The following RORA variants were observed in gnomAD, a reference collection of about 807,000 sequenced individuals.
RORA encodes nuclear receptor ROR-alpha.
In RORA, 7 loss-of-function variants were observed where a neutral mutation model predicts 69.5. The observed-to-expected ratio is 0.10, with a 90% CI of 0.06 to 0.19. RORA has a LOEUF of 0.19. RORA is among the 10% of genes least tolerant of loss of function. The pLI, the probability that RORA is intolerant of heterozygous loss-of-function variation, is 1.00. For synonymous variants in RORA, 261 were observed against 240.8 expected (o/e 1.08, Z -0.78); for missense variants, 457 against 663.0 (o/e 0.69, Z 3.41).
At chr15:60,700,939 G>A (rs2070972568) in intron 1 of RORA, among the ~76,000 whole-genome samples, 2 of 152,200 alleles carry the variant, frequency 1.3e-5, no homozygotes, top group Admixed American at 6.5e-5. Context: ...CATGGGTGAA[G>A]GGATGGGTGG....
At chr15:60,878,590 G>A (rs1363250402) in intron 1 of RORA, among the ~76,000 whole-genome samples, 2 of 152,132 alleles carry the variant, frequency 1.3e-5, no homozygotes, top group Non-Finnish European at 2.9e-5. Context: ...GACCATCCTC[G>A]GAGGTCACTC....
chr15:61,113,758 A>T (rs1423238088), intron 1 of RORA, among the ~76,000 whole-genome samples: 1 of 152,178 alleles, frequency 6.6e-6, no homozygotes, highest in Non-Finnish European at 1.5e-5. Flanking sequence ...GCTCAGAAGA[A>T]GGCACATTTG....
At position 60,490,507 on chromosome 15, in the gene RORA, A is replaced by G. The variant is rs1457239686; in HGVS notation, c.*6948T>C. 6.6e-6 allele frequency: 1 copy of G among 152,166 alleles called. No homozygotes were observed. Among genetic ancestry groups the G allele is most frequent in the Non-Finnish European group, 1.5e-5 (1 of 67,996 alleles). The allele number at this position is 152,166 out of a possible 1,614,324, so 9.4% of individuals were successfully genotyped here. On this transcript the variant is annotated 3_prime_UTR_variant, in exon 11 of 11. Coordinates refer to ENST00000335670, the MANE Select transcript of RORA (RefSeq NM_134261.3). The surrounding 1 kb of genome is among the most constrained non-coding windows in gnomAD (Gnocchi z 4.1). ...AGAGATGTGCAGAACAACATTAAAT[A>G]TTATGACTCAAAAGCAGGGACAGGT... is the stretch of plus-strand genomic sequence containing the variant.
At chr15:60,749,032 C>T (rs1362358242) in intron 1 of RORA, among the ~76,000 whole-genome samples, 3 of 152,162 alleles carry the variant, frequency 2.0e-5, no homozygotes, top group African/African-American at 7.2e-5. Flanking sequence ...TGTTAAAATG[C>T]ACATTCCTAG....
chr15:60,605,918 G>A (rs1258360737), intron 2 of RORA, among the ~76,000 whole-genome samples: 1 of 152,114 alleles, frequency 6.6e-6, no homozygotes, highest in Admixed American at 6.5e-5. Flanking sequence ...AGTGTTTTCC[G>A]CAGAGGCACA....
intron 1 of RORA, among the ~76,000 whole-genome samples, chr15:61,207,075 C>A (rs1057180483): frequency 8.7e-5 from 12 of 138,208 alleles, no homozygotes; most frequent in African/African-American, 3.0e-4. Context: ...TCTGTGTATA[C>A]GTGTGTGTAT....
At chr15:60,671,035 T>G (rs1013756964) in intron 2 of RORA, among the ~76,000 whole-genome samples, 4 of 145,058 alleles carry the variant, frequency 2.8e-5, no homozygotes, top group Non-Finnish European at 5.9e-5. Flanking sequence ...AATCTAGATG[T>G]TAATTTTCTT....
intron 1 of RORA, among the ~76,000 whole-genome samples, chr15:61,224,239 C>A (rs1202689222): frequency 6.6e-6 from 1 of 152,216 alleles, no homozygotes; most frequent in Non-Finnish European, 1.5e-5. Flanking sequence ...CAGATGAGGT[C>A]TACCTCAAAG....
chr15:60,686,073 T>A (rs1035540840), intron 1 of RORA, among the ~76,000 whole-genome samples: 3 of 152,024 alleles, frequency 2.0e-5, no homozygotes, highest in African/African-American at 2.4e-5. Context: ...AAAAAAAAAA[T>A]TTGTGATTGC....
At chr15:60,999,337 G>C (rs1043416851) in intron 1 of RORA, among the ~76,000 whole-genome samples, 1 of 152,108 alleles carries the variant, frequency 6.6e-6, no homozygotes, top group Admixed American at 6.5e-5. Context: ...AACAGTGACA[G>C]GGAGCTCACT....
chr15:60,490,488 G>A lies in RORA; in HGVS notation c.*6967C>T. ...GCCAAAAAGTTAACTGTATAGAGAT[G>A]TGCAGAACAACATTAAATATTATGA... On this transcript the variant is annotated 3_prime_UTR_variant, in exon 11 of 11. Transcript: ENST00000335670. This position sits in a 1 kb window ranked among gnomAD's most constrained non-coding sequence, Gnocchi z 4.1. 1 of 152,072 alleles carries A rather than the reference G, an allele frequency of 6.6e-6. No homozygotes were observed. The highest frequency in any genetic ancestry group is 1.9e-4 in the East Asian group (1 of 5,206). 9.4% of individuals were successfully genotyped at this position (152,072 alleles called of 1,614,324 possible).
intron 1 of RORA, among the ~76,000 whole-genome samples, chr15:60,682,903 C>T (rs1246764378): frequency 6.6e-6 from 1 of 152,198 alleles, no homozygotes; most frequent in East Asian, 1.9e-4. Context: ...GTTTCTAAAC[C>T]TAAAATACAC....
At chr15:60,978,997 A>G (rs1595858294) in intron 1 of RORA, among the ~76,000 whole-genome samples, 1 of 105,234 alleles carries the variant, frequency 9.5e-6, no homozygotes, top group Non-Finnish European at 1.8e-5. Context: ...AGTCTTGCTC[A>G]GTAGCCCAGG....
intron 1 of RORA, among the ~76,000 whole-genome samples, chr15:60,942,093 G>C (rs1026296874): frequency 6.6e-6 from 1 of 151,820 alleles, no homozygotes; most frequent in Non-Finnish European, 1.5e-5. Flanking sequence ...TTAAAAACAT[G>C]GAATTTTTTT....
chr15:60,861,046 G>A (rs949167961), intron 1 of RORA, among the ~76,000 whole-genome samples: 1 of 152,146 alleles, frequency 6.6e-6, no homozygotes, highest in African/African-American at 2.4e-5. Context: ...GGGTATCCTT[G>A]ACCATCATGC....
Position 61,038,632 on chromosome 15 carries a change from T to C in RORA, c.166+190421A>G, listed in dbSNP as rs143235207. On this transcript the variant is annotated intron_variant, in intron 1 of 10. Transcript: ENST00000335670. ...CACGAGAAAATTGGCTCATCTTTCC[T>C]GGCAAGATGCCAAAGACACAGCACT... 3.1e-3 allele frequency among the ~76,000 whole-genome samples: 472 copies of C among 152,346 alleles called. 5 individuals are homozygous for C. Among genetic ancestry groups the C allele is most frequent in the African/African-American group, 0.011 (461 of 41,580 alleles).
At chr15:61,093,951 A>C (rs2078750297) in intron 1 of RORA, among the ~76,000 whole-genome samples, 1 of 152,172 alleles carries the variant, frequency 6.6e-6, no homozygotes, top group Admixed American at 6.5e-5. Context: ...GAGGATTACA[A>C]ACTTCTCTGC....
intron 1 of RORA, among the ~76,000 whole-genome samples, chr15:61,207,814 T>C (rs1412737873): frequency 6.6e-6 from 1 of 152,208 alleles, no homozygotes; most frequent in African/African-American, 2.4e-5. Context: ...GTAAAATAAA[T>C]GCAAAACAAC....
chr15:61,183,178 G>C (rs1423835872), intron 1 of RORA: 1 of 152,254 alleles, frequency 6.6e-6, no homozygotes, highest in African/African-American at 2.4e-5. Flanking sequence ...TGGGTGAGGA[G>C]TATGCAGGAG....
Sources: allele counts gnomAD v4.1 joint callset (sites outside exome capture counted in the v4.1 genomes callset), GRCh38; gene constraint gnomAD v4.1.1; non-coding constraint Gnocchi (gnomAD v3.1); transcripts MANE v1.5; gene names NCBI Gene and HGNC (gene_info 2026-07-23, HGNC 2026-07-21).